Variants in FAR2 observed in about 807,000 individuals in gnomAD.
The protein encoded by FAR2 is fatty acyl-CoA reductase 2, also known as epididymis secretory protein Li 81.
A neutral mutation model predicts 56.0 loss-of-function variants in FAR2; 19 were observed. The observed-to-expected ratio is 0.34, with a 90% CI of 0.24 to 0.50. The LOEUF is 0.50. Ranked by LOEUF, FAR2 falls within the 20% of genes least tolerant of loss-of-function variation. The pLI, the probability that FAR2 is intolerant of heterozygous loss-of-function variation, is 0.98. For missense variants in FAR2, 508 were observed against 642.2 expected, an observed-to-expected ratio of 0.79 and a Z score of 2.26; for synonymous variants, 219 against 218.8, an observed-to-expected ratio of 1.00 and a Z score of -0.01.
chr12:29,332,570 T>C, intron 10 of FAR2, 30 bp from the exon 11 acceptor site: 2 of 1,612,790 alleles, frequency 1.2e-6, no homozygotes, highest in African/African-American at 1.3e-5. Flanking sequence ...ACTGCAATTC[T>C]GGCAATCTAT....
At chr12:29,231,180 A>G (rs1236132568) in intron 1 of FAR2, among the ~76,000 whole-genome samples, 4 of 152,188 alleles carry the variant, frequency 2.6e-5, no homozygotes, top group Non-Finnish European at 5.9e-5. Context: ...GTAAGAGTGG[A>G]TGCAGGAATA....
intron 5 of FAR2, 83 bp downstream of exon 5, chr12:29,307,918 T>C (rs1949280226): frequency 1.2e-5 from 17 of 1,394,910 alleles, no homozygotes; most frequent in East Asian, 9.5e-5. Flanking sequence ...TCTTTCTTCT[T>C]CTCCTCCTCA....
intron 2 of FAR2, among the ~76,000 whole-genome samples, chr12:29,274,690 A>C: frequency 6.6e-6 from 1 of 151,858 alleles, no homozygotes. Context: ...GCCTTAACTG[A>C]TGACATTGTC....
intron 4 of FAR2, among the ~76,000 whole-genome samples, chr12:29,304,583 A>T (rs1158553846): frequency 6.6e-6 from 1 of 152,248 alleles, no homozygotes; most frequent in African/African-American, 2.4e-5. Flanking sequence ...AATTGAGGGT[A>T]TCAGGGGAGG....
intron 1 of FAR2, among the ~76,000 whole-genome samples, chr12:29,231,352 G>T (rs1262558047): frequency 6.6e-6 from 1 of 152,126 alleles, no homozygotes; most frequent in African/African-American, 2.4e-5. Flanking sequence ...GGTGTCAAAG[G>T]TGACTCAGCT....
intron 1 of FAR2, among the ~76,000 whole-genome samples, chr12:29,205,593 A>G (rs1357279416): frequency 6.6e-6 from 1 of 152,246 alleles, no homozygotes; most frequent in Non-Finnish European, 1.5e-5. Context: ...GGTTCTGAAG[A>G]CAAGGAGGCC....
chr12:29,257,730 G>T (rs1565491715), intron 1 of FAR2, among the ~76,000 whole-genome samples: 1 of 152,034 alleles, frequency 6.6e-6, no homozygotes, highest in Non-Finnish European at 1.5e-5. Flanking sequence ...GAGCCAGCGA[G>T]ACCACGAACC....
chr12:29,152,187 C>T (rs1450172495), intron 1 of FAR2, among the ~76,000 whole-genome samples: 7 of 152,178 alleles, frequency 4.6e-5, no homozygotes, highest in African/African-American at 1.4e-4. Context: ...TTCATCCAAA[C>T]GTCGAACGGT....
chr12:29,234,910 C>G (rs1164094703), intron 1 of FAR2, among the ~76,000 whole-genome samples: 1 of 152,136 alleles, frequency 6.6e-6, no homozygotes, highest in African/African-American at 2.4e-5. Context: ...AATTACTCAC[C>G]TTAGCAATTG....
chr12:29,204,020 A>G (rs1478448095), intron 1 of FAR2, among the ~76,000 whole-genome samples: 1 of 87,758 alleles, frequency 1.1e-5, no homozygotes, highest in African/African-American at 3.5e-5. Context: ...AAAAAAAAAA[A>G]AAAGAAAATT....
chr12:29,313,648 A>T (rs1949391335), intron 8 of FAR2, among the ~76,000 whole-genome samples: 1 of 152,078 alleles, frequency 6.6e-6, no homozygotes, highest in Non-Finnish European at 1.5e-5. Flanking sequence ...TTAGTAAATT[A>T]TATTTGTCTC....
In FAR2 at chr12:29,329,767, G is replaced by T. The variant is rs149433901; in HGVS notation, c.1258-2833G>T. Among the ~76,000 whole-genome samples the T allele has an allele frequency of 5.8e-4, 88 of 152,066 alleles. No homozygotes were observed. In the East Asian group the frequency reaches 0.016, roughly 28 times the overall value. ...ACTCCAAATCTCACAAAGGTTTGAG[G>T]TATCTTGCAAAAAAATACATATAAT... is the stretch of plus-strand genomic sequence containing the variant. On this transcript the variant is annotated intron_variant, in intron 10 of 11. Transcript: ENST00000536681.
In FAR2 at chr12:29,274,696, T is replaced by C. The variant is rs1948677139; in HGVS notation, c.189+4058T>C. On this transcript the variant is annotated intron_variant, in intron 2 of 11. Coordinates refer to ENST00000536681, the MANE Select transcript of FAR2 (RefSeq NM_001271783.2). ...CCTGTTCCTGCCTTAACTGATGACA[T>C]TGTCTTGTGAAATTCCTTCTCCTGG... is the stretch of plus-strand genomic sequence containing the variant. Among the ~76,000 whole-genome samples, 3 of 151,948 alleles carry C rather than the reference T, an allele frequency of 2.0e-5. No homozygotes were observed. In the South Asian group the frequency reaches 6.2e-4, roughly 32 times the overall value.
At chr12:29,266,302 A>G (rs1055063557) in intron 1 of FAR2, among the ~76,000 whole-genome samples, 2 of 152,202 alleles carry the variant, frequency 1.3e-5, no homozygotes, top group East Asian at 1.9e-4. Context: ...TGTGGTAAAT[A>G]TACACAATGG....
intron 1 of FAR2, among the ~76,000 whole-genome samples, chr12:29,155,064 G>C (rs1315770228): frequency 3.3e-5 from 5 of 152,202 alleles, no homozygotes; most frequent in Non-Finnish European, 5.9e-5. Context: ...CTCTGTGGAT[G>C]ATATTCAGAA....
At chr12:29,220,776 G>T (rs1404919660) in intron 1 of FAR2, among the ~76,000 whole-genome samples, 1 of 152,120 alleles carries the variant, frequency 6.6e-6, no homozygotes, top group African/African-American at 2.4e-5. Flanking sequence ...CACAGTGAGA[G>T]TCCGAGGCAA....
chr12:29,251,585 C>T (rs1370575518), intron 1 of FAR2, among the ~76,000 whole-genome samples: 1 of 152,148 alleles, frequency 6.6e-6, no homozygotes, highest in Admixed American at 6.6e-5. Flanking sequence ...TCTCTAGTTC[C>T]AGAATGCATA....
At chr12:29,279,852 A>G (rs944015140) in intron 2 of FAR2, among the ~76,000 whole-genome samples, 1 of 152,192 alleles carries the variant, frequency 6.6e-6, no homozygotes, top group African/African-American at 2.4e-5. Flanking sequence ...TCTGATAATA[A>G]TAGCTATTTC....
chr12:29,161,027 G>A (rs1949777448), intron 1 of FAR2, among the ~76,000 whole-genome samples: 1 of 151,974 alleles, frequency 6.6e-6, no homozygotes, highest in South Asian at 2.1e-4. Flanking sequence ...CACTTTCTGT[G>A]TACTAAAAAA....
Sources: allele counts gnomAD v4.1 joint callset (sites outside exome capture counted in the v4.1 genomes callset), GRCh38; gene constraint gnomAD v4.1.1; transcripts MANE v1.5; gene names NCBI Gene and HGNC (gene_info 2026-07-23, HGNC 2026-07-21).